MYO16: variants seen among roughly 807,000 people sequenced by gnomAD.
MYO16 encodes myosin XVI, also known as unconventional myosin-XVI.
MYO16 carries 94 observed loss-of-function variants against 205.3 expected under a neutral mutation model. That is an observed-to-expected ratio of 0.46 (90% confidence interval 0.39 to 0.54). MYO16 has a LOEUF of 0.54. Among genes scored for constraint, MYO16 ranks in the 20% least tolerant of loss-of-function variants. The probability of loss-of-function intolerance (pLI) is 0.00; values close to 1 mark genes in which losing one functional copy is unlikely to be tolerated. For synonymous variants in MYO16, 988 were observed against 954.0 expected, an observed-to-expected ratio of 1.04 and a Z score of -0.66; for missense variants, 2,315 against 2,387.5, an observed-to-expected ratio of 0.97 and a Z score of 0.63.
At chr13:108,876,081 A>G (rs1345032280) in intron 12 of MYO16, among the ~76,000 whole-genome samples, 1 of 151,166 alleles carries the variant, frequency 6.6e-6, no homozygotes, top group Non-Finnish European at 1.5e-5. Flanking sequence ...AAGTTTTCAA[A>G]CAAGAACAGA....
intron 4 of MYO16, among the ~76,000 whole-genome samples, chr13:108,737,133 T>C (rs1241252771): frequency 6.6e-6 from 1 of 152,174 alleles, no homozygotes; most frequent in Non-Finnish European, 1.5e-5. Flanking sequence ...CTTTATTTCT[T>C]TCTCCTGCCT....
intron 4 of MYO16, among the ~76,000 whole-genome samples, chr13:108,763,183 C>A (rs1367589118): frequency 6.6e-6 from 1 of 152,086 alleles, no homozygotes; most frequent in Non-Finnish European, 1.5e-5. Flanking sequence ...ACAGGAGTAA[C>A]AAGGGAACAA....
chr13:108,973,142 G>A (rs921166782), intron 20 of MYO16, among the ~76,000 whole-genome samples: 7 of 151,724 alleles, frequency 4.6e-5, no homozygotes, highest in Admixed American at 1.3e-4. Flanking sequence ...TCCAGTATCT[G>A]TCTGGAGCCT....
the MYO16 span, among the ~76,000 whole-genome samples, chr13:108,583,264 A>G: frequency 6.6e-6 from 1 of 152,142 alleles, no homozygotes; most frequent in South Asian, 2.1e-4. Context: ...GTGATATAAA[A>G]ACTACTTTTT....
At chr13:108,995,051 G>A (rs1031094290) in intron 21 of MYO16, among the ~76,000 whole-genome samples, 14 of 152,132 alleles carry the variant, frequency 9.2e-5, no homozygotes, top group East Asian at 1.9e-4. Flanking sequence ...AATTCTGATC[G>A]CATTTTCTCT....
chr13:109,046,303 AAGAG>A (rs1887041655), intron 23 of MYO16, among the ~76,000 whole-genome samples: 1 of 152,158 alleles, frequency 6.6e-6, no homozygotes, highest in South Asian at 2.1e-4. Context: ...AGTTGACACT[AAGAG>A]AGACAACAAA....
intron 20 of MYO16, among the ~76,000 whole-genome samples, chr13:108,983,246 T>C (rs1228733527): frequency 6.6e-6 from 1 of 152,182 alleles, no homozygotes; most frequent in Admixed American, 6.5e-5. Flanking sequence ...CCTCTTTCTC[T>C]CTCCTGTCTT....
chr13:108,902,895 T>C (rs1357536149), intron 15 of MYO16, among the ~76,000 whole-genome samples: 2 of 152,212 alleles, frequency 1.3e-5, no homozygotes, highest in Non-Finnish European at 2.9e-5. Flanking sequence ...TAGAAAATTC[T>C]CAAAACAAAC....
chr13:109,183,368 C>G (rs556134570), intron 34 of MYO16, among the ~76,000 whole-genome samples: 1 of 152,288 alleles, frequency 6.6e-6, no homozygotes, highest in South Asian at 2.1e-4. Flanking sequence ...GCATGAAAGT[C>G]ACAGGGAGGT....
chr13:108,893,739 G>C (rs1402275631), intron 14 of MYO16, among the ~76,000 whole-genome samples: 2 of 152,110 alleles, frequency 1.3e-5, no homozygotes, highest in African/African-American at 4.8e-5. Context: ...GGCCATCATG[G>C]GGAGTGCTGG....
At chr13:108,862,219 A>C (rs1159263222) in intron 11 of MYO16, among the ~76,000 whole-genome samples, 1 of 152,214 alleles carries the variant, frequency 6.6e-6, no homozygotes, top group African/African-American at 2.4e-5. Flanking sequence ...CTGAAAGAAT[A>C]AAATTCTGAA....
In MYO16 at chr13:109,016,789, T is replaced by C. The variant is rs549460394; in HGVS notation, c.2596-2922T>C. The stretch of plus-strand genomic sequence containing the variant: ...AGACACAAGTATTGCAAATGCTGCT[T>C]TTTTTGTTGTTGTTTTCCATTTGCT... On this transcript the variant is annotated intron_variant, in intron 22 of 34. Transcript: ENST00000457511. Among the ~76,000 whole-genome samples, 101 of 151,248 alleles carry C rather than the reference T, an allele frequency of 6.7e-4. 2 individuals are homozygous for C. In the Middle Eastern group the frequency reaches 0.017, roughly 25 times the overall value.
intron 5 of MYO16, among the ~76,000 whole-genome samples, chr13:108,788,084 C>G (rs1010696604): frequency 1.3e-5 from 2 of 152,102 alleles, no homozygotes; most frequent in African/African-American, 2.4e-5. Flanking sequence ...TCAGCATCGC[C>G]TTTTTATAAC....
chr13:108,624,075 G>A (rs1161266419), intron 1 of MYO16, among the ~76,000 whole-genome samples: 1 of 152,124 alleles, frequency 6.6e-6, no homozygotes, highest in Non-Finnish European at 1.5e-5. Context: ...GGCATATTTT[G>A]TTTAAAAAAT....
At chr13:108,990,820 A>G (rs892060427) in intron 20 of MYO16, among the ~76,000 whole-genome samples, 6 of 152,154 alleles carry the variant, frequency 3.9e-5, no homozygotes, top group Non-Finnish European at 8.8e-5. Context: ...TTATGACTAC[A>G]TTTTTAGAGA....
chr13:108,779,452 T>C (rs9514910), intron 4 of MYO16: 51,609 of 152,048 alleles, frequency 0.34, 9,964 homozygotes, highest in East Asian at 0.63. Flanking sequence ...GAGACAACTT[T>C]GGGGAGGAGC....
intron 16 of MYO16, among the ~76,000 whole-genome samples, chr13:108,940,493 C>T (rs562656333): frequency 2.4e-4 from 37 of 152,102 alleles, no homozygotes; most frequent in African/African-American, 8.2e-4. Context: ...GCACTTACTC[C>T]CATCAGCACA....
chr13:108,496,928 A>G, the MYO16 span, among the ~76,000 whole-genome samples: 3 of 152,318 alleles, frequency 2.0e-5, no homozygotes, highest in African/African-American at 7.2e-5. Flanking sequence ...GCAGAAGCAC[A>G]GGGGAAGCCC....
intron 4 of MYO16, among the ~76,000 whole-genome samples, chr13:108,760,607 G>T (rs1885573819): frequency 6.6e-6 from 1 of 151,964 alleles, no homozygotes; most frequent in Non-Finnish European, 1.5e-5. Context: ...TTAACCTAAA[G>T]TTTTTAAAGT....
Sources: gnomAD v4.1 joint callset for allele counts (sites outside exome capture counted in the v4.1 genomes callset) on GRCh38, gnomAD v4.1.1 for gene constraint, MANE v1.5 for transcripts, NCBI Gene and HGNC (gene_info 2026-07-23, HGNC 2026-07-21) for gene names.